DGKH: variants seen among roughly 807,000 people sequenced by gnomAD.
DGKH encodes the protein DAG kinase eta.
Under a neutral mutation model 159.3 loss-of-function variants are expected in DGKH, and 90 were observed. That is an observed-to-expected ratio of 0.57 (90% CI 0.48 to 0.67). DGKH has a LOEUF of 0.67. Ranked by LOEUF, DGKH falls within the 30% of genes least tolerant of loss-of-function variation. DGKH has a pLI of 0.00. For synonymous variants in DGKH, 536 were observed against 553.8 expected (o/e 0.97, Z 0.45); for missense variants, 1,181 against 1,506.1 (o/e 0.78, Z 3.57).
chr13:42,200,022 G>A (rs941788728), intron 20 of DGKH, 113 bp downstream of exon 20: 27 of 833,428 alleles, frequency 3.2e-5, no homozygotes, highest in Non-Finnish European at 4.5e-5. Flanking sequence ...AAATATTCAA[G>A]GGGAAAAATG....
rs71700896 is a variant in DGKH at position 42,224,894 on chromosome 13, G to GAA, written c.3573+3509_3573+3510dup. On this transcript the variant is annotated intron_variant, in intron 29 of 29. Coordinates refer to ENST00000337343, the MANE Select transcript of DGKH (RefSeq NM_178009.5). ...CATGACAGTCTAAAGTTGGGAAAAGGAAAAAAAAAATATATATATATATAC... is the reference window on the plus strand; with the variant it reads ...CATGACAGTCTAAAGTTGGGAAAAGGAAAAAAAAAAAATATATATATATATAC... Among the ~76,000 whole-genome samples, 1,062 of 143,006 alleles carry GAA rather than the reference G, an allele frequency of 7.4e-3. 5 individuals carry two copies. Among genetic ancestry groups the GAA allele is most frequent in the African/African-American group, 0.018 (670 of 36,392 alleles). The allele number at this position is 143,006 out of a possible 152,430, so 93.8% of individuals were successfully genotyped here.
intron 5 of DGKH, 29 bp downstream of exon 5, chr13:42,155,828 C>G (rs1367298304): frequency 6.2e-7 from 1 of 1,613,334 alleles, no homozygotes; most frequent in Non-Finnish European, 8.5e-7. Context: ...TGTGTTTTCT[C>G]CCAACAGTAA....
chr13:42,172,319 C>T (rs186218001), intron 11 of DGKH, among the ~76,000 whole-genome samples: 202 of 151,998 alleles, frequency 1.3e-3, no homozygotes, highest in Non-Finnish European at 2.5e-3. Flanking sequence ...ACCATGTTGG[C>T]CAGGATGGTC....
chr13:42,180,636 T>C (rs1430446442), intron 13 of DGKH, among the ~76,000 whole-genome samples: 1 of 152,154 alleles, frequency 6.6e-6, no homozygotes, highest in African/African-American at 2.4e-5. Flanking sequence ...TAGCTTTGGG[T>C]TTCTCCCTAA....
chr13:42,136,676 A>T (rs763631450), intron 3 of DGKH, among the ~76,000 whole-genome samples: 1 of 152,190 alleles, frequency 6.6e-6, no homozygotes, highest in Admixed American at 6.5e-5. Flanking sequence ...CATTTATTTA[A>T]CCACCCATAA....
chr13:42,217,810 G>T (rs1053510770), intron 26 of DGKH, among the ~76,000 whole-genome samples: 5 of 152,156 alleles, frequency 3.3e-5, no homozygotes, highest in Admixed American at 6.5e-5. Flanking sequence ...GAGGCAGGCA[G>T]CTCATTGTAG....
intron 1 of DGKH, chr13:42,069,165 A>G: frequency 7.4e-7 from 1 of 1,350,892 alleles, no homozygotes; most frequent in Non-Finnish European, 1.0e-6. Context: ...CTACTGGCTC[A>G]GTTTCTAGCA....
intron 13 of DGKH, among the ~76,000 whole-genome samples, chr13:42,182,403 C>T (rs1956788725): frequency 6.6e-6 from 1 of 152,118 alleles, no homozygotes. Context: ...TATAGTCCTC[C>T]CTCTCTATCC....
At chr13:42,093,356 TAAAG>T (rs1457346139) in intron 1 of DGKH, among the ~76,000 whole-genome samples, 4 of 150,774 alleles carry the variant, frequency 2.7e-5, no homozygotes, top group Admixed American at 6.6e-5. Flanking sequence ...AAAAAAAAGA[TAAAG>T]AAAATAGCAA....
At chr13:42,226,855 T>TC (rs1555280291) in intron 29 of DGKH, among the ~76,000 whole-genome samples, 2 of 103,846 alleles carry the variant, frequency 1.9e-5, no homozygotes, top group Non-Finnish European at 4.4e-5. Context: ...AGACTCTGTC[T>TC]CAAAAAAAAA....
chr13:42,138,129 T>G, intron 3 of DGKH: 2 of 985,290 alleles, frequency 2.0e-6, no homozygotes, highest in Non-Finnish European at 2.4e-6. Context: ...CAGCTTTAGG[T>G]GCTGAAATGA....
chr13:42,117,369 A>G (rs1489753840), intron 1 of DGKH, among the ~76,000 whole-genome samples: 1 of 152,184 alleles, frequency 6.6e-6, no homozygotes, highest in Non-Finnish European at 1.5e-5. Context: ...CTTTGATTGT[A>G]TGATTATATT....
chr13:42,058,097 G>A (rs779275400), intron 1 of DGKH, among the ~76,000 whole-genome samples: 9 of 152,120 alleles, frequency 5.9e-5, no homozygotes, highest in Non-Finnish European at 1.2e-4. Context: ...ATGTCTATGT[G>A]TATGCCCCTC....
intron 29 of DGKH, among the ~76,000 whole-genome samples, chr13:42,228,732 G>GAGAA (rs1328394824): frequency 6.6e-6 from 1 of 151,702 alleles, no homozygotes; most frequent in Admixed American, 6.6e-5. Context: ...AAGAAAGAAA[G>GAGAA]AGAAAGAAAG....
intron 20 of DGKH, 142 bp from the exon 21 acceptor site, chr13:42,205,897 A>G: frequency 2.4e-6 from 1 of 422,824 alleles, no homozygotes; most frequent in Non-Finnish European, 4.0e-6. Context: ...AAGATAAATG[A>G]TTTGGTAACG....
chr13:42,047,553 T>C (rs1363114000), upstream of DGKH, among the ~76,000 whole-genome samples: 1 of 152,228 alleles, frequency 6.6e-6, no homozygotes, highest in African/African-American at 2.4e-5. Context: ...GTCGTTTTAA[T>C]GTCTTCTCTC....
chr13:42,109,657 CGTGCGTGTGT>C (rs1566106040), intron 1 of DGKH, among the ~76,000 whole-genome samples: 1 of 75,992 alleles, frequency 1.3e-5, no homozygotes, highest in East Asian at 2.3e-4. Flanking sequence ...CGTGCCTGTG[CGTGCGTGTGT>C]GTGCGTGTGT....
In DGKH at chr13:42,231,008, C is replaced by T. The variant is rs1958277747; in HGVS notation, c.*1820C>T. 3 of 151,992 alleles carry T rather than the reference C, an allele frequency of 2.0e-5. No homozygotes were observed. The highest frequency in any genetic ancestry group is 2.0e-4 in the Admixed American group (3 of 15,258). 9.4% of individuals were successfully genotyped at this position (151,992 alleles called of 1,614,324 possible). ...CAAGTATGTCTGACTATATATTTTA[C>T]CTAAGTTGTAAATAAATGGAAATTT... On this transcript the variant is annotated 3_prime_UTR_variant, in exon 30 of 30. Transcript: ENST00000337343.
chr13:42,056,026 C>G (rs1881731457), intron 1 of DGKH, among the ~76,000 whole-genome samples: 1 of 152,188 alleles, frequency 6.6e-6, no homozygotes. Context: ...GGCGTGGTGG[C>G]ACCTGTGGTC....
Sources: gnomAD v4.1 joint callset for allele counts (sites outside exome capture counted in the v4.1 genomes callset) on GRCh38, gnomAD v4.1.1 for gene constraint, MANE v1.5 for transcripts, NCBI Gene and HGNC (gene_info 2026-07-23, HGNC 2026-07-21) for gene names.